The following UBAC2 variants were observed in gnomAD, a reference collection of about 807,000 sequenced individuals.
UBAC2 encodes the protein ubiquitin-associated domain-containing protein 2.
Under a neutral mutation model 44.0 loss-of-function variants are expected in UBAC2, and 26 were observed. The observed-to-expected ratio is 0.59, with a 90% CI of 0.43 to 0.82. The LOEUF (loss-of-function observed/expected upper bound fraction) is 0.82, where lower values mean the gene tolerates loss of function less well. Among genes scored for constraint, UBAC2 ranks in the 40% least tolerant of loss-of-function variants. The pLI, the probability that UBAC2 is intolerant of heterozygous loss-of-function variation, is 0.00. For synonymous variants in UBAC2, 155 were observed against 154.3 expected (o/e 1.00, Z -0.04); for missense variants, 329 against 419.4 (o/e 0.78, Z 1.88).
intron 1 of UBAC2, among the ~76,000 whole-genome samples, chr13:99,230,526 G>T (rs2043160617): frequency 6.6e-6 from 1 of 152,172 alleles, no homozygotes; most frequent in South Asian, 2.1e-4. Context: ...TTGGAGGCCA[G>T]AAGTCCAAAA....
At chr13:99,382,764 G>C (rs1315699741) in intron 8 of UBAC2, among the ~76,000 whole-genome samples, 1 of 152,176 alleles carries the variant, frequency 6.6e-6, no homozygotes, top group East Asian at 1.9e-4. Context: ...ACTTCGCTCT[G>C]GGGGCCTTCT....
At chr13:99,242,766 CG>C (rs2043330134) in intron 2 of UBAC2, among the ~76,000 whole-genome samples, 1 of 144,936 alleles carries the variant, frequency 6.9e-6, no homozygotes, top group African/African-American at 2.6e-5. Context: ...GGGTGGCTGC[CG>C]GGCGGAGACG....
intron 4 of UBAC2, among the ~76,000 whole-genome samples, chr13:99,307,101 A>G (rs757871445): frequency 4.6e-5 from 7 of 152,210 alleles, no homozygotes; most frequent in Non-Finnish European, 8.8e-5. Flanking sequence ...AGTGAGCCCT[A>G]TTTTTTGACA....
chr13:99,234,754 A>G (rs544657631), intron 1 of UBAC2, among the ~76,000 whole-genome samples: 1 of 152,330 alleles, frequency 6.6e-6, no homozygotes, highest in South Asian at 2.1e-4. Flanking sequence ...GGAAGGCATG[A>G]AAACACAAAG....
chr13:99,210,446 A>T (rs796718004), intron 1 of UBAC2, among the ~76,000 whole-genome samples: 86 of 150,946 alleles, frequency 5.7e-4, no homozygotes, highest in African/African-American at 2.0e-3. Context: ...CATAATGAGC[A>T]TGTATATGCT....
At chr13:99,242,647 T>C (rs1189254836) in intron 2 of UBAC2, among the ~76,000 whole-genome samples, 1 of 81,578 alleles carries the variant, frequency 1.2e-5, no homozygotes, top group African/African-American at 5.0e-5. Context: ...CCCCCCCACC[T>C]CCCTCCCGGA....
chr13:99,254,754 A>T (rs966118456), intron 4 of UBAC2: 6 of 723,466 alleles, frequency 8.3e-6, no homozygotes, highest in Non-Finnish European at 1.3e-5. Flanking sequence ...TTTTAAAATG[A>T]AGATAATGAA....
intron 1 of UBAC2, among the ~76,000 whole-genome samples, chr13:99,230,641 T>A (rs541006285): frequency 6.6e-6 from 1 of 152,288 alleles, no homozygotes; most frequent in South Asian, 2.1e-4. Flanking sequence ...CTGAGGCAGC[T>A]CACATTTCTT....
chr13:99,342,590 G>A (rs997988807), intron 7 of UBAC2, among the ~76,000 whole-genome samples: 1 of 152,184 alleles, frequency 6.6e-6, no homozygotes, highest in Non-Finnish European at 1.5e-5. Flanking sequence ...TACCACCATG[G>A]CCATCCATTC....
rs751410268 is a variant in UBAC2, at chr13:99,314,176, T to G, written c.469T>G (p.Leu157Val). The change falls in exon 5 of 9, where the codon TTG becomes GTG. Residue 157 changes from leucine (L) to valine (V), a missense_variant. Coordinates refer to ENST00000403766, the MANE Select transcript of UBAC2 (RefSeq NM_001144072.2). ...RVQVAQILGP[L>V]SITNKTLIYI... Reference sequence around the variant, plus strand: ...CCAAGTGGCACAAATTCTGGGTCCGTTGTCCATCACAAACAAGACATTGAT... The same window carrying G: ...CCAAGTGGCACAAATTCTGGGTCCGGTGTCCATCACAAACAAGACATTGAT... The G allele has an allele frequency of 6.2e-7, 1 of 1,613,986 alleles. No homozygotes were observed. Among genetic ancestry groups the G allele is most frequent in the East Asian group, 2.2e-5 (1 of 44,866 alleles).
At chr13:99,379,833 TTTC>T (rs1034992979) in intron 8 of UBAC2, among the ~76,000 whole-genome samples, 8 of 152,356 alleles carry the variant, frequency 5.3e-5, no homozygotes, top group Non-Finnish European at 8.8e-5. Flanking sequence ...CATAAATCTT[TTTC>T]TTATCACTGT....
At chr13:99,345,407 G>A (rs2044959492) in intron 7 of UBAC2, among the ~76,000 whole-genome samples, 1 of 152,076 alleles carries the variant, frequency 6.6e-6, no homozygotes, top group African/African-American at 2.4e-5. Context: ...ATAGAAGGAG[G>A]TTTCTAAAGC....
At chr13:99,335,100 G>C (rs2044767960) in intron 6 of UBAC2, among the ~76,000 whole-genome samples, 1 of 152,218 alleles carries the variant, frequency 6.6e-6, no homozygotes. Context: ...AACAGGAACA[G>C]CTTCTAGATA....
rs377441012 is a variant in UBAC2, at chr13:99,295,822, C to T, written c.390-18275C>T. ...CATATGTGTTGATGTAAAACACTAG[C>T]GCAGTTATCCTACACAAGGCATCTC... On this transcript the variant is annotated intron_variant, in intron 4 of 8. Coordinates refer to ENST00000403766, the MANE Select transcript of UBAC2 (RefSeq NM_001144072.2). The surrounding 1 kb of genome is among the most constrained non-coding windows in gnomAD (Gnocchi z 4.1). 4.5e-5 allele frequency: 72 copies of T among 1,608,226 alleles called. No individual in the cohort carries two copies. The African/African-American group carries it at 7.2e-4, about 16-fold the overall frequency.
chr13:99,357,854 T>G (rs1304140631), intron 7 of UBAC2, among the ~76,000 whole-genome samples: 2 of 152,208 alleles, frequency 1.3e-5, no homozygotes, highest in Non-Finnish European at 1.5e-5. Flanking sequence ...CCCATACGCC[T>G]TAACTCAGCA....
At chr13:99,210,664 A>C in intron 1 of UBAC2, among the ~76,000 whole-genome samples, 1 of 151,756 alleles carries the variant, frequency 6.6e-6, no homozygotes, top group East Asian at 1.9e-4. Flanking sequence ...TTTAGTAGAG[A>C]CGGGGTTTCT....
At chr13:99,273,821 A>G (rs888421675) in intron 4 of UBAC2, among the ~76,000 whole-genome samples, 1 of 143,248 alleles carries the variant, frequency 7.0e-6, no homozygotes, top group Non-Finnish European at 1.5e-5. Flanking sequence ...TGGAAATCCT[A>G]TTACCTAGAT....
chr13:99,353,583 C>A (rs1408876098), intron 7 of UBAC2, among the ~76,000 whole-genome samples: 2 of 152,324 alleles, frequency 1.3e-5, no homozygotes, highest in East Asian at 1.9e-4. Flanking sequence ...AATCCTAATT[C>A]TTTTCCTGGG....
At chr13:99,274,265 G>A (rs1324551952) in intron 4 of UBAC2, among the ~76,000 whole-genome samples, 1 of 151,602 alleles carries the variant, frequency 6.6e-6, no homozygotes, top group Non-Finnish European at 1.5e-5. Flanking sequence ...GTATGTACCT[G>A]TAGTTAATTT....
Sources: gnomAD v4.1 joint callset for allele counts (sites outside exome capture counted in the v4.1 genomes callset) on GRCh38, gnomAD v4.1.1 for gene constraint, Gnocchi (gnomAD v3.1) non-coding constraint, MANE v1.5 for transcripts, NCBI Gene and HGNC (gene_info 2026-07-23, HGNC 2026-07-21) for gene names.